The following KANK1 variants were observed in gnomAD, a reference collection of about 807,000 sequenced individuals.
KANK1 encodes KN motif and ankyrin repeat domains 1, also known as KN motif and ankyrin repeat domain-containing protein 1.
In KANK1, 109 loss-of-function variants were observed where a neutral mutation model predicts 106.2. That is an observed-to-expected ratio of 1.03 (90% confidence interval 0.88 to 1.20). KANK1 has a LOEUF of 1.20. KANK1 is among the 50% of genes most tolerant of loss of function. The pLI is 0.00. For synonymous variants in KANK1, 873 were observed against 652.2 expected (o/e 1.34, Z -5.16); for missense variants, 2,399 against 1,710.7 (o/e 1.40, Z -7.10).
chr9:666,626 C>T (rs1008845580), intron 1 of KANK1, among the ~76,000 whole-genome samples: 3 of 151,928 alleles, frequency 2.0e-5, no homozygotes, highest in African/African-American at 7.3e-5. Context: ...CCTCTGTACC[C>T]GGTTTGTTGA....
chr9:678,010 A>G (rs16922480), intron 2 of KANK1, among the ~76,000 whole-genome samples: 1,988 of 152,304 alleles, frequency 0.013, 49 homozygotes, highest in African/African-American at 0.046. Context: ...TTTTGAAGAC[A>G]ACAGCAGGAA....
At chr9:627,265 C>G (rs955804712) in intron 1 of KANK1, among the ~76,000 whole-genome samples, 2 of 152,124 alleles carry the variant, frequency 1.3e-5, no homozygotes, top group African/African-American at 2.4e-5. Flanking sequence ...TCTCCATTCC[C>G]TCCTCCTTCT....
chr9:523,078 T>A (rs2059622690), intron 1 of KANK1, among the ~76,000 whole-genome samples: 1 of 151,802 alleles, frequency 6.6e-6, no homozygotes. Context: ...TAAGTGTGGT[T>A]GATATTCCAA....
At chr9:659,976 A>G (rs1259030864) in intron 1 of KANK1, 2 of 196,690 alleles carry the variant, frequency 1.0e-5, no homozygotes, top group African/African-American at 4.7e-5. Flanking sequence ...CACTGAGGAA[A>G]AACAATCGTA....
At chr9:529,428 C>T (rs753483673) in intron 1 of KANK1, among the ~76,000 whole-genome samples, 4 of 149,462 alleles carry the variant, frequency 2.7e-5, no homozygotes, top group African/African-American at 7.4e-5. Context: ...GTTGATCTCT[C>T]GACCTCGTGA....
intron 5 of KANK1, chr9:732,004 C>T: frequency 5.7e-6 from 1 of 175,204 alleles, no homozygotes; most frequent in South Asian, 1.4e-4. Flanking sequence ...GTAATCTATT[C>T]CCCTTGATAC....
chr9:670,514 G>A (rs1163124022), intron 1 of KANK1, among the ~76,000 whole-genome samples: 2 of 152,140 alleles, frequency 1.3e-5, no homozygotes, highest in Non-Finnish European at 2.9e-5. Flanking sequence ...TGGCTGGAAT[G>A]GGGGAGGTTG....
intron 1 of KANK1, among the ~76,000 whole-genome samples, chr9:519,086 C>T (rs543426404): frequency 1.3e-5 from 2 of 151,570 alleles, no homozygotes; most frequent in African/African-American, 4.9e-5. Context: ...AACGGGGTTT[C>T]TCCATGTTGG....
intron 1 of KANK1, among the ~76,000 whole-genome samples, chr9:645,679 C>T (rs1022465386): frequency 3.3e-5 from 5 of 150,348 alleles, no homozygotes; most frequent in Admixed American, 2.0e-4. Context: ...ATCAGGAGTT[C>T]GAAACCAGCC....
chr9:699,486 G>T (rs925855535), intron 2 of KANK1, among the ~76,000 whole-genome samples: 1 of 152,204 alleles, frequency 6.6e-6, no homozygotes, highest in East Asian at 1.9e-4. Flanking sequence ...GAAGATGTAG[G>T]AGTAGTGTGC....
intron 3 of KANK1, among the ~76,000 whole-genome samples, chr9:725,670 T>C (rs1225025459): frequency 6.6e-6 from 1 of 152,076 alleles, no homozygotes; most frequent in Non-Finnish European, 1.5e-5. Context: ...TTGGCCCCCA[T>C]CCCAGAACTG....
intron 1 of KANK1, among the ~76,000 whole-genome samples, chr9:569,108 G>C (rs1453210271): frequency 2.0e-5 from 3 of 152,094 alleles, no homozygotes; most frequent in African/African-American, 7.2e-5. Flanking sequence ...GTATCTGCCT[G>C]ACACACTACT....
chr9:671,297 T>A (rs1845844392), intron 1 of KANK1, among the ~76,000 whole-genome samples: 1 of 151,890 alleles, frequency 6.6e-6, no homozygotes, highest in African/African-American at 2.4e-5. Context: ...GACATTCATA[T>A]AAAGAACAAG....
intron 1 of KANK1, among the ~76,000 whole-genome samples, chr9:587,927 G>A (rs1476902321): frequency 2.0e-5 from 3 of 152,132 alleles, no homozygotes; most frequent in African/African-American, 2.4e-5. Context: ...TTAGCTGGGC[G>A]TGGTGGCACA....
chr9:710,955 C>G lies in KANK1; in HGVS notation c.189C>G (p.Ile63Met). The G allele has an allele frequency of 1.2e-6, 2 of 1,614,142 alleles. No individual in the cohort carries two copies. Among genetic ancestry groups the G allele is most frequent in the Non-Finnish European group, 1.7e-6 (2 of 1,180,032 alleles). The change falls in exon 3 of 12, where the codon ATC becomes ATG. Residue 63 changes from isoleucine to methionine, a missense_variant. Ile to Met is a conservative substitution (Grantham distance 10, BLOSUM62 1). Transcript: ENST00000382297. The stretch of plus-strand genomic sequence containing the variant: ...GAAATACCATCAAAAGACTGAACAT[C>G]CAGAAGAGGCGGAAGCCGTCCGTGC... ...QKGNTIKRLNIQKRRKPSVPC... is the reference protein window; with the variant it reads ...QKGNTIKRLNMQKRRKPSVPC...
chr9:561,908 G>T (rs1816550594), intron 1 of KANK1, among the ~76,000 whole-genome samples: 1 of 152,248 alleles, frequency 6.6e-6, no homozygotes, highest in Non-Finnish European at 1.5e-5. Flanking sequence ...CCAAGGAAGA[G>T]AGGCTCATGG....
chr9:604,005 G>T (rs1197916116), intron 1 of KANK1, among the ~76,000 whole-genome samples: 2 of 150,554 alleles, frequency 1.3e-5, no homozygotes, highest in African/African-American at 4.9e-5. Context: ...TACCATGCTT[G>T]GTTTCTTTGT....
At position 646,194 on chromosome 9, in the gene KANK1, T is replaced by C. The variant is rs1008318817; in HGVS notation, c.-83-30696T>C. On this transcript the variant is annotated intron_variant, in intron 1 of 11. Coordinates refer to ENST00000382297, the MANE Select transcript of KANK1 (RefSeq NM_015158.5). ...CCACAAGGAAATAGGTGGAAAAATATTTAAAAATAAATTGTAAGCCAAGCA... is the reference window on the plus strand; with the variant it reads ...CCACAAGGAAATAGGTGGAAAAATACTTAAAAATAAATTGTAAGCCAAGCA... Among the ~76,000 whole-genome samples the C allele has an allele frequency of 1.3e-5, 2 of 150,876 alleles. 1 individual carries two copies. The highest frequency in any genetic ancestry group is 5.0e-5 in the African/African-American group (2 of 40,204).
At chr9:622,888 C>T (rs185599765) in intron 1 of KANK1, among the ~76,000 whole-genome samples, 47 of 151,636 alleles carry the variant, frequency 3.1e-4, no homozygotes, top group African/African-American at 1.0e-3. Flanking sequence ...GGTGACAGAC[C>T]GAGACTCCAT....
Sources: allele counts gnomAD v4.1 joint callset (sites outside exome capture counted in the v4.1 genomes callset), GRCh38; gene constraint gnomAD v4.1.1; transcripts MANE v1.5; gene names NCBI Gene and HGNC (gene_info 2026-07-23, HGNC 2026-07-21).